Variants in PALM3 observed in about 807,000 individuals in gnomAD.
PALM3 encodes the protein paralemmin 3.
PALM3 carries 20 observed loss-of-function variants against 27.9 expected under a neutral mutation model. The observed-to-expected ratio is 0.72, with a 90% CI of 0.50 to 1.04. The LOEUF is 1.04. PALM3 is among the 50% of genes least tolerant of loss of function. The probability of loss-of-function intolerance (pLI) is 0.00; values close to 1 mark genes in which losing one functional copy is unlikely to be tolerated. For missense variants in PALM3, 814 were observed against 869.4 expected (o/e 0.94, Z 0.80); for synonymous variants, 328 against 352.7 (o/e 0.93, Z 0.79).
rs1976279211 is a variant in PALM3 at position 14,055,157 on chromosome 19, G to C, written c.515C>G (p.Ser172Cys). Residue 172 changes from serine (S) to cysteine (C), a missense_variant, in exon 7 of 7, where the codon TCT becomes TGT. Coordinates refer to ENST00000669674, the MANE Select transcript of PALM3 (RefSeq NM_001145028.2). ...CCCCAAGACATCCTCCCTGGGCTCA[G>C]AGGGGGACTCTGGAGGCGTGCCCAC... Reference protein sequence around the residue: ...GLVGTPPESPSEPREDVLGFL... With the variant: ...GLVGTPPESPCEPREDVLGFL... The C allele has an allele frequency of 1.2e-5, 18 of 1,550,674 alleles. No homozygotes were observed. The highest frequency in any genetic ancestry group is 1.6e-5 in the Non-Finnish European group (18 of 1,146,604).
At chr19:14,057,308 C>A in intron 3 of PALM3, 43 bp downstream of exon 3, 1 of 1,479,194 alleles carries the variant, frequency 6.8e-7, no homozygotes, top group Non-Finnish European at 9.2e-7. Flanking sequence ...ACACCCCCCA[C>A]TCCATTCCCC....
intron 1 of PALM3, among the ~76,000 whole-genome samples, chr19:14,060,912 C>T (rs534410177): frequency 2.8e-4 from 42 of 152,268 alleles, no homozygotes; most frequent in Admixed American, 1.2e-3. Context: ...AGGCGTGCAC[C>T]ACCAAGCCCG....
Position 14,054,435 on chromosome 19 carries a change from C to T in PALM3, c.1237G>A (p.Ala413Thr), listed in dbSNP as rs747319744. 1.7e-5 allele frequency: 27 copies of T among 1,551,882 alleles called. No individual in the cohort carries two copies. The East Asian group carries it at 3.9e-4, about 22-fold the overall frequency. The part of the protein sequence containing the change: ...EETWEAEKRK[A>T]EESMGIGSEE... ...CTTCCTATTCCCATGGATTCTTCCGCTTTTCTCTTCTCTGCCTCCCAGGTC... is the reference window on the plus strand; with the variant it reads ...CTTCCTATTCCCATGGATTCTTCCGTTTTTCTCTTCTCTGCCTCCCAGGTC... Residue 413 changes from alanine (A) to threonine (T), a missense_variant, in exon 7 of 7, where the codon GCG becomes ACG. By Grantham distance (58) the Ala-to-Thr change is moderately conservative. Coordinates refer to ENST00000669674, the MANE Select transcript of PALM3 (RefSeq NM_001145028.2).
intron 1 of PALM3, among the ~76,000 whole-genome samples, chr19:14,060,019 A>G (rs1014491583): frequency 2.0e-5 from 3 of 152,278 alleles, no homozygotes; most frequent in African/African-American, 7.2e-5. Context: ...GATTAGGGAC[A>G]GTCAGTGTCA....
chr19:14,060,653 AAC>A (rs1976397629), intron 1 of PALM3, among the ~76,000 whole-genome samples: 1 of 152,268 alleles, frequency 6.6e-6, no homozygotes, highest in East Asian at 1.9e-4. Context: ...AAATACTGAG[AAC>A]ACAGCTGGCG....
chr19:14,059,066 A>G, intron 2 of PALM3, 49 bp downstream of exon 2: 1 of 1,439,010 alleles, frequency 6.9e-7, no homozygotes, highest in East Asian at 3.0e-5. Context: ...AGAAGGGAGC[A>G]TGGTGGAAAG....
At chr19:14,059,304 C>G (rs1483274306) in intron 1 of PALM3, 141 bp from the exon 2 acceptor site, 1 of 799,188 alleles carries the variant, frequency 1.3e-6, no homozygotes. Context: ...AGAGTCTGGG[C>G]GGGGGGCGAG....
In PALM3 at chr19:14,053,876, G is replaced by C; in HGVS notation, c.1796C>G (p.Ala599Gly). The change falls in exon 7 of 7, where the codon GCC becomes GGC. Residue 599 changes from alanine to glycine, a missense_variant. By Grantham distance (60) the Ala-to-Gly change is moderately conservative (BLOSUM62 0). Coordinates refer to ENST00000669674, the MANE Select transcript of PALM3 (RefSeq NM_001145028.2). ...GPQPQEKPVG[A>G]LEEEGVKPQT... ...GGGCTTCACTCCTTCCTCCTCCAGG[G>C]CTCCTACTGGCTTCTCCTGGGGCTG... is the stretch of plus-strand genomic sequence containing the variant. 6.4e-7 allele frequency: 1 copy of C among 1,551,640 alleles called. No individual in the cohort carries two copies. The highest frequency in any genetic ancestry group is 1.2e-5 in the South Asian group (1 of 84,068).
intron 6 of PALM3, 32 bp from the exon 7 acceptor site, chr19:14,055,258 A>G: frequency 1.3e-6 from 2 of 1,519,692 alleles, no homozygotes; most frequent in East Asian, 2.5e-5. Flanking sequence ...GGGAGAGGAC[A>G]AAAGGGAAGA....
chr19:14,060,817 A>G (rs1255499386), intron 1 of PALM3, among the ~76,000 whole-genome samples: 1 of 151,856 alleles, frequency 6.6e-6, no homozygotes, highest in African/African-American at 2.4e-5. Context: ...CTGGAGTGCA[A>G]TGGCTCAATC....
intron 5 of PALM3, among the ~76,000 whole-genome samples, 156 bp downstream of exon 5, chr19:14,056,273 C>A (rs1179667166): frequency 1.3e-5 from 2 of 152,214 alleles, no homozygotes; most frequent in Non-Finnish European, 2.9e-5. Flanking sequence ...AATTGACTTG[C>A]CAAGACCACA....
intron 1 of PALM3, among the ~76,000 whole-genome samples, chr19:14,060,309 T>C (rs575613246): frequency 6.6e-6 from 1 of 152,156 alleles, no homozygotes; most frequent in African/African-American, 2.4e-5. Flanking sequence ...GATATATATA[T>C]ACTATATATA....
At position 14,054,528 on chromosome 19, in the gene PALM3, C is replaced by A. The variant is rs1436416331; in HGVS notation, c.1144G>T (p.Ala382Ser). 6.4e-7 allele frequency: 1 copy of A among 1,551,386 alleles called. No homozygotes were observed. The highest frequency in any genetic ancestry group is 2.0e-5 in the Admixed American group (1 of 50,956). ...CTTTCATCTCCTCTCTCCCTCCCTG[C>A]CACCTCGGGCCCTTCCAACCCCTCC... ...LVEGLEGPEVAGRERGDESPL... is the reference protein window; with the variant it reads ...LVEGLEGPEVSGRERGDESPL... The change falls in exon 7 of 7, where the codon GCA (alanine) becomes TCA (serine). Residue 382 changes from alanine (A) to serine (S), a missense_variant. Coordinates refer to ENST00000669674, the MANE Select transcript of PALM3 (RefSeq NM_001145028.2).
rs775432753 is a variant in PALM3 at position 14,054,788 on chromosome 19, C to A, written c.884G>T (p.Gly295Val). 6.4e-7 allele frequency: 1 copy of A among 1,550,842 alleles called. No individual in the cohort carries two copies. Among genetic ancestry groups the A allele is most frequent in the Non-Finnish European group, 8.7e-7 (1 of 1,146,538 alleles). Residue 295 changes from glycine to valine, a missense_variant, in exon 7 of 7, where the codon GGG (glycine) becomes GTG (valine). Gly to Val is a moderately radical substitution (Grantham distance 109). Transcript: ENST00000669674. ...DRGIVEVVWE[G>V]VGGSDAEAMG... is the part of the protein sequence containing the mutation. ...GGCCTCTGCATCACTGCCACCCACC[C>A]CCTCCCAGACCACCTCCACGATGCC...
chr19:14,056,393 T>C, intron 5 of PALM3, 36 bp downstream of exon 5: 1 of 1,514,656 alleles, frequency 6.6e-7, no homozygotes, highest in South Asian at 1.2e-5. Context: ...CTGCTGGCCA[T>C]GCCCTCCCAT....
intron 1 of PALM3, among the ~76,000 whole-genome samples, chr19:14,061,497 A>G (rs975005845): frequency 1.3e-5 from 2 of 152,160 alleles, no homozygotes. Flanking sequence ...TGGCCATTTC[A>G]TGAAGGAGGT....
intron 3 of PALM3, 47 bp downstream of exon 3, chr19:14,057,304 C>T: frequency 6.9e-7 from 1 of 1,451,448 alleles, no homozygotes; most frequent in South Asian, 1.2e-5. Context: ...ACAGACACCC[C>T]CCACTCCATT....
chr19:14,059,500 G>A (rs575775759), intron 1 of PALM3, among the ~76,000 whole-genome samples: 1 of 152,218 alleles, frequency 6.6e-6, no homozygotes, highest in African/African-American at 2.4e-5. Context: ...GCAGGGAAAA[G>A]CTTAGGGTAC....
Position 14,059,175 on chromosome 19 carries a change from G to A in PALM3, c.42-12C>T, listed in dbSNP as rs1460560552. 5 of 1,443,522 alleles carry A rather than the reference G, an allele frequency of 3.5e-6. No individual in the cohort carries two copies. The highest frequency in any genetic ancestry group is 1.4e-5 in the South Asian group (1 of 69,414). 89.4% of individuals were successfully genotyped at this position (1,443,522 alleles called of 1,614,324 possible). ...TCTCCGCCATGGGCCTGTTGGGAGA[G>A]GGCAGGGGCTTCGAGGGGCTCCCAT... On this transcript the variant is annotated splice_polypyrimidine_tract_variant and intron_variant, in intron 1 of 6. Coordinates refer to ENST00000669674, the MANE Select transcript of PALM3 (RefSeq NM_001145028.2).
Sources: allele counts gnomAD v4.1 joint callset (sites outside exome capture counted in the v4.1 genomes callset), GRCh38; gene constraint gnomAD v4.1.1; transcripts MANE v1.5; gene names NCBI Gene and HGNC (gene_info 2026-07-23, HGNC 2026-07-21).